The following DAB1 variants were observed in gnomAD, a reference collection of about 807,000 sequenced individuals.
DAB1 encodes the protein DAB adaptor protein 1.
A neutral mutation model predicts 64.6 loss-of-function variants in DAB1; 15 were observed. That is an observed-to-expected ratio of 0.23 (90% confidence interval 0.16 to 0.36). The LOEUF is 0.36. Among genes scored for constraint, DAB1 ranks in the 10% least tolerant of loss-of-function variants. The pLI is 1.00. For missense variants in DAB1, 596 were observed against 706.7 expected, an observed-to-expected ratio of 0.84 and a Z score of 1.78; for synonymous variants, 235 against 251.9, an observed-to-expected ratio of 0.93 and a Z score of 0.64.
At chr1:58,384,034 C>A (rs1333494082) in intron 3 of DAB1, among the ~76,000 whole-genome samples, 1 of 152,034 alleles carries the variant, frequency 6.6e-6, no homozygotes, top group African/African-American at 2.4e-5. Flanking sequence ...CTAACCTCAC[C>A]AACACTTGTT....
intron 1 of DAB1, among the ~76,000 whole-genome samples, chr1:57,293,920 T>C (rs1440905005): frequency 6.6e-6 from 1 of 152,188 alleles, no homozygotes; most frequent in African/African-American, 2.4e-5. Context: ...CAAGCATTAC[T>C]TGTGAATTTC....
In DAB1 at chr1:57,290,970, T is replaced by G; in HGVS notation, c.61A>C (p.Lys21Gln). ...VKTSAKKDSR[K>Q]KGQDRSEATL... Reference sequence around the variant, plus strand: ...AGGTCAAATTCAGCCCTACCTTTCTTTCTGGAGTCTTTCTTGGCGCTGGTT... The same window carrying G: ...AGGTCAAATTCAGCCCTACCTTTCTGTCTGGAGTCTTTCTTGGCGCTGGTT... Residue 21 changes from lysine (K) to glutamine (Q), a missense_variant, in exon 2 of 15, where the codon AAG becomes CAG. Lys to Gln is a moderately conservative substitution (Grantham distance 53). This residue lies in a region of DAB1 where 43 missense variants were observed against 39.6 expected (regional missense o/e 1.09). Transcript: ENST00000371236. 1 of 1,610,972 alleles carries G rather than the reference T, an allele frequency of 6.2e-7. No homozygotes were observed. Among genetic ancestry groups the G allele is most frequent in the Non-Finnish European group, 8.5e-7 (1 of 1,178,334 alleles).
chr1:57,377,161 G>T (rs1477078047), intron 1 of DAB1, among the ~76,000 whole-genome samples: 1 of 151,988 alleles, frequency 6.6e-6, no homozygotes, highest in Non-Finnish European at 1.5e-5. Flanking sequence ...CCTCAGCTAC[G>T]CTGGAGGCTG....
chr1:57,363,897 C>G (rs908110218), intron 1 of DAB1, among the ~76,000 whole-genome samples: 3 of 152,184 alleles, frequency 2.0e-5, no homozygotes, highest in Admixed American at 2.0e-4. Flanking sequence ...ATCACCCCAT[C>G]CTATATTCAT....
At chr1:58,432,516 A>C (rs1644890978) in intron 3 of DAB1, among the ~76,000 whole-genome samples, 1 of 152,120 alleles carries the variant, frequency 6.6e-6, no homozygotes, top group Non-Finnish European at 1.5e-5. Flanking sequence ...CTCTTCCACC[A>C]GGCCTACCCG....
upstream of DAB1, among the ~76,000 whole-genome samples, chr1:57,424,718 A>G (rs1685202358): frequency 6.6e-6 from 1 of 152,222 alleles, no homozygotes; most frequent in Non-Finnish European, 1.5e-5. Flanking sequence ...GCTCGCTCCC[A>G]GCCGCCAGTG....
At chr1:57,377,043 G>A (rs919259142) in intron 1 of DAB1, among the ~76,000 whole-genome samples, 1 of 152,168 alleles carries the variant, frequency 6.6e-6, no homozygotes, top group Admixed American at 6.5e-5. Context: ...GCCGAGGTGG[G>A]CAGATCACTT....
chr1:57,262,614 G>A (rs897688636), intron 2 of DAB1, among the ~76,000 whole-genome samples: 16 of 152,224 alleles, frequency 1.1e-4, no homozygotes, highest in Non-Finnish European at 2.2e-4. Flanking sequence ...ATCACCCGGA[G>A]TTCTTTGTGG....
chr1:57,684,393 T>C (rs973232558), intron 6 of DAB1, among the ~76,000 whole-genome samples: 53 of 152,106 alleles, frequency 3.5e-4, no homozygotes, highest in African/African-American at 1.1e-3. Flanking sequence ...TCAGGTCATA[T>C]ACAAAGGGAA....
chr1:57,302,500 G>T (rs1439513108), intron 1 of DAB1, among the ~76,000 whole-genome samples: 1 of 152,152 alleles, frequency 6.6e-6, no homozygotes, highest in Non-Finnish European at 1.5e-5. Context: ...ACGGTGGGCA[G>T]CTCCCGAATG....
intron 4 of DAB1, among the ~76,000 whole-genome samples, chr1:57,130,413 AT>A (rs1432753603): frequency 6.6e-6 from 1 of 152,182 alleles, no homozygotes. Context: ...TACTGCGTAC[AT>A]ATCCAAAGAA....
At chr1:57,913,718 A>C (rs954775400) in intron 5 of DAB1, among the ~76,000 whole-genome samples, 1 of 152,084 alleles carries the variant, frequency 6.6e-6, no homozygotes, top group African/African-American at 2.4e-5. Flanking sequence ...TAATGTCCAG[A>C]ATCTACAAAG....
intron 2 of DAB1, among the ~76,000 whole-genome samples, chr1:57,219,394 C>A (rs1394663530): frequency 6.6e-6 from 1 of 152,086 alleles, no homozygotes; most frequent in African/African-American, 2.4e-5. Context: ...TCTCTCATTT[C>A]AAATGAGACC....
intron 3 of DAB1, among the ~76,000 whole-genome samples, chr1:58,490,216 A>G (rs1159905151): frequency 6.6e-6 from 1 of 152,222 alleles, no homozygotes; most frequent in South Asian, 2.1e-4. Context: ...CGAATGACTA[A>G]CTAGAATAAC....
At chr1:57,677,473 G>A (rs1379264137) in intron 6 of DAB1, among the ~76,000 whole-genome samples, 1 of 152,166 alleles carries the variant, frequency 6.6e-6, no homozygotes, top group Non-Finnish European at 1.5e-5. Context: ...TGTGTGACTG[G>A]AAGGTCTGTG....
chr1:58,453,703 A>G (rs1350779061), intron 3 of DAB1, among the ~76,000 whole-genome samples: 1 of 152,216 alleles, frequency 6.6e-6, no homozygotes, highest in Non-Finnish European at 1.5e-5. Context: ...CAAGGGCTGC[A>G]GCTACCTCGG....
At chr1:57,805,028 A>G (rs2101877279) in intron 6 of DAB1, among the ~76,000 whole-genome samples, 1 of 152,300 alleles carries the variant, frequency 6.6e-6, no homozygotes, top group South Asian at 2.1e-4. Context: ...TAAACTGTCA[A>G]TAATCTTTGT....
chr1:58,378,899 C>G lies in DAB1; in HGVS notation n.258-35496G>C, dbSNP rs1376124058. Among the ~76,000 whole-genome samples, 5 of 66,158 alleles carry G rather than the reference C, an allele frequency of 7.6e-5. 2 individuals are homozygous for G. The East Asian group carries it at 1.9e-3, about 25-fold the overall frequency. 43.4% of individuals were successfully genotyped at this position (66,158 alleles called of 152,430 possible). A position where few individuals can be genotyped will look rare whatever the true frequency, so the allele number is the denominator to read the frequency against. On this transcript the variant is annotated intron_variant and non_coding_transcript_variant, in intron 3 of 20. Coordinates refer to the DAB1 transcript ENST00000485760. Reference sequence around the variant, plus strand: ...GTCTCGTGGTGCGCCGTTTTTTAAGCCCGTCGGAAAAGCGCAATATTCGGG... The same window carrying G: ...GTCTCGTGGTGCGCCGTTTTTTAAGGCCGTCGGAAAAGCGCAATATTCGGG...
intron 4 of DAB1, among the ~76,000 whole-genome samples, chr1:58,214,074 G>A (rs1412347850): frequency 2.0e-5 from 3 of 152,050 alleles, no homozygotes; most frequent in African/African-American, 7.2e-5. Flanking sequence ...ATAGTTACAC[G>A]GGAAAAAAGA....
Sources: gnomAD v4.1 joint callset for allele counts (sites outside exome capture counted in the v4.1 genomes callset) on GRCh38, gnomAD v4.1.1 for gene constraint, gnomAD v4.1.1 regional missense constraint, MANE v1.5 for transcripts, NCBI Gene and HGNC (gene_info 2026-07-23, HGNC 2026-07-21) for gene names.